The following RGS12 variants were observed in gnomAD, a reference collection of about 807,000 sequenced individuals.
RGS12 encodes regulator of G-protein signaling 12.
RGS12 carries 66 observed loss-of-function variants against 120.1 expected under a neutral mutation model. The ratio of observed to expected loss-of-function variants is 0.55; its 90% CI spans 0.45 to 0.67. The LOEUF (loss-of-function observed/expected upper bound fraction) is 0.67, where lower values mean the gene tolerates loss of function less well. Ranked by LOEUF, RGS12 falls within the 30% of genes least tolerant of loss-of-function variation. RGS12 has a pLI of 0.00. For synonymous variants in RGS12, 827 were observed against 804.7 expected (o/e 1.03, Z -0.47); for missense variants, 1,859 against 1,957.7 (o/e 0.95, Z 0.95).
At chr4:3,377,582 G>C (rs1000961348) in intron 3 of RGS12, among the ~76,000 whole-genome samples, 2 of 152,070 alleles carry the variant, frequency 1.3e-5, no homozygotes, top group Non-Finnish European at 2.9e-5. Flanking sequence ...AATAGAATTT[G>C]GAAATTATGT....
intron 4 of RGS12, among the ~76,000 whole-genome samples, chr4:3,405,047 T>C (rs1720962318): frequency 6.6e-6 from 1 of 152,098 alleles, no homozygotes; most frequent in Non-Finnish European, 1.5e-5. Flanking sequence ...TGGACTAAAA[T>C]AAAAACCCAG....
intron 2 of RGS12, among the ~76,000 whole-genome samples, chr4:3,326,695 A>G (rs1725573803): frequency 6.6e-6 from 1 of 152,250 alleles, no homozygotes; most frequent in Non-Finnish European, 1.5e-5. Context: ...AAAGAAATCA[A>G]GGAAGCAATC....
intron 1 of RGS12, among the ~76,000 whole-genome samples, chr4:3,302,193 T>C (rs1212907077): frequency 6.6e-6 from 1 of 152,234 alleles, no homozygotes; most frequent in Non-Finnish European, 1.5e-5. Flanking sequence ...GGAAGTTTCA[T>C]CAGCTGTGGC....
At chr4:3,343,245 G>C (rs1281247828) in intron 3 of RGS12, 192 bp downstream of exon 3, 3 of 542,528 alleles carry the variant, frequency 5.5e-6, no homozygotes, top group Non-Finnish European at 9.9e-6. Flanking sequence ...CAATGTGTCT[G>C]AGCTGTCACA....
chr4:3,438,377 T>TG (rs1208925110), intron 17 of RGS12, among the ~76,000 whole-genome samples: 1 of 141,536 alleles, frequency 7.1e-6, no homozygotes, highest in Non-Finnish European at 1.5e-5. Context: ...GATGGGGGGG[T>TG]GGGGTCACTG....
In RGS12 at chr4:3,389,634, T is replaced by C. The variant is rs1719255486; in HGVS notation, c.2020+3197T>C. ...CAGAATCCCCTCACCCACTGCAGCC[T>C]CCACAGGTGGATGTTCCCGCTGTGA... On this transcript the variant is annotated intron_variant, in intron 4 of 17. Coordinates refer to ENST00000336727, the MANE Select transcript of RGS12 (RefSeq NM_001394154.1). This position sits in a 1 kb window ranked among gnomAD's most constrained non-coding sequence, Gnocchi z 5.2. Among the ~76,000 whole-genome samples, 1 of 152,092 alleles carries C rather than the reference T, an allele frequency of 6.6e-6. No individual in the cohort carries two copies. The highest frequency in any genetic ancestry group is 1.5e-5 in the Non-Finnish European group (1 of 68,004).
At chr4:3,356,043 TTTTTC>T (rs1714858210) in intron 3 of RGS12, among the ~76,000 whole-genome samples, 1 of 136,640 alleles carries the variant, frequency 7.3e-6, no homozygotes, top group Admixed American at 7.6e-5. Context: ...AGAGATTATC[TTTTTC>T]AATTTTTTTT....
chr4:3,379,787 A>G (rs1337049457), intron 3 of RGS12, among the ~76,000 whole-genome samples: 1 of 152,174 alleles, frequency 6.6e-6, no homozygotes, highest in Non-Finnish European at 1.5e-5. Context: ...CCATGATTCA[A>G]TTACCTCCCA....
At chr4:3,294,092 C>T (rs1417577458) in intron 1 of RGS12, among the ~76,000 whole-genome samples, 1 of 130,006 alleles carries the variant, frequency 7.7e-6, no homozygotes. Flanking sequence ...AGGTGACCAC[C>T]TTCTCTGTGC....
intron 4 of RGS12, among the ~76,000 whole-genome samples, chr4:3,402,469 C>T (rs1319974323): frequency 1.3e-5 from 2 of 152,194 alleles, no homozygotes; most frequent in African/African-American, 4.8e-5. Flanking sequence ...GCCCTTTCGT[C>T]CTCTCTATCC....
chr4:3,432,063 C>T, intron 17 of RGS12: 2 of 985,436 alleles, frequency 2.0e-6, no homozygotes, highest in Non-Finnish European at 2.4e-6. Context: ...ACTCTGCAGC[C>T]TCCACCCCTG....
chr4:3,373,378 G>C (rs1000072340), intron 3 of RGS12, among the ~76,000 whole-genome samples: 1 of 152,210 alleles, frequency 6.6e-6, no homozygotes, highest in African/African-American at 2.4e-5. Flanking sequence ...GATGGCCGCC[G>C]CAGGACACAA....
upstream of RGS12, among the ~76,000 whole-genome samples, chr4:3,289,572 C>T (rs1408565093): frequency 2.6e-5 from 4 of 152,100 alleles, no homozygotes; most frequent in African/African-American, 9.7e-5. Context: ...TTTTAATTAA[C>T]AAATGAAAAA....
At chr4:3,318,113 A>T in intron 2 of RGS12, 62 bp downstream of exon 2, 23 of 1,310,540 alleles carry the variant, frequency 1.8e-5, no homozygotes, top group Non-Finnish European at 2.3e-5. Flanking sequence ...AGTCACGGGG[A>T]GGTGACTCCC....
intron 3 of RGS12, among the ~76,000 whole-genome samples, chr4:3,349,335 T>C (rs1038879542): frequency 5.9e-5 from 9 of 152,208 alleles, no homozygotes; most frequent in Admixed American, 2.0e-4. Flanking sequence ...ACAACAGGCA[T>C]TTTACTTTAG....
chr4:3,326,391 T>C (rs763729053), intron 2 of RGS12, among the ~76,000 whole-genome samples: 9 of 152,166 alleles, frequency 5.9e-5, no homozygotes, highest in African/African-American at 9.7e-5. Flanking sequence ...GAACTACAGG[T>C]GCATACTACC....
At chr4:3,328,804 A>T (rs1711523993) in intron 2 of RGS12, among the ~76,000 whole-genome samples, 1 of 152,192 alleles carries the variant, frequency 6.6e-6, no homozygotes, top group African/African-American at 2.4e-5. Flanking sequence ...CTGTAAACTT[A>T]GAAAACTTTT....
intron 3 of RGS12, among the ~76,000 whole-genome samples, chr4:3,363,116 A>G (rs1307603380): frequency 7.5e-6 from 1 of 132,512 alleles, no homozygotes; most frequent in Non-Finnish European, 1.6e-5. Context: ...TGTGTGTGAG[A>G]GTGCGCATCA....
intron 4 of RGS12, among the ~76,000 whole-genome samples, chr4:3,410,753 C>G (rs888202075): frequency 2.0e-5 from 3 of 152,366 alleles, no homozygotes; most frequent in South Asian, 4.1e-4. Flanking sequence ...AGGCTCATGG[C>G]TGGCGTTCTG....
Sources: gnomAD v4.1 joint callset for allele counts (sites outside exome capture counted in the v4.1 genomes callset) on GRCh38, gnomAD v4.1.1 for gene constraint, Gnocchi (gnomAD v3.1) non-coding constraint, MANE v1.5 for transcripts, NCBI Gene and HGNC (gene_info 2026-07-23, HGNC 2026-07-21) for gene names.